Variants in SLC25A41 observed in about 807,000 individuals in gnomAD.
SLC25A41 encodes mitochondrial carrier protein SCaMC-3L.
SLC25A41 carries 35 observed loss-of-function variants against 34.7 expected under a neutral mutation model. The observed-to-expected ratio is 1.01, with a 90% CI of 0.77 to 1.34. The LOEUF is 1.34. Ranked by LOEUF, SLC25A41 falls within the 40% of genes most tolerant of loss-of-function variation. The pLI, the probability that SLC25A41 is intolerant of heterozygous loss-of-function variation, is 0.00. For missense variants in SLC25A41, 492 were observed against 489.8 expected, an observed-to-expected ratio of 1.00 and a Z score of -0.04; for synonymous variants, 190 against 209.9, an observed-to-expected ratio of 0.91 and a Z score of 0.82.
chr19:6,433,348 C>G, intron 1 of SLC25A41, 139 bp downstream of exon 1: 1 of 841,018 alleles, frequency 1.2e-6, no homozygotes, highest in Middle Eastern at 3.5e-4. Flanking sequence ...TCGCGCCCTG[C>G]CTCCCTGCCC....
chr19:6,429,098 CAT>C (rs368707238), intron 4 of SLC25A41, among the ~76,000 whole-genome samples: 3,115 of 8,234 alleles, frequency 0.38, 686 homozygotes, highest in Middle Eastern at 0.8. Flanking sequence ...ATATATGTTA[CAT>C]ATATATATAA....
chr19:6,429,040 A>T (rs1177574409), intron 4 of SLC25A41, among the ~76,000 whole-genome samples: 17 of 24,534 alleles, frequency 6.9e-4, no homozygotes, highest in African/African-American at 3.4e-3. Context: ...TATATATATA[A>T]TATATATATT....
At chr19:6,434,785 T>A (rs946953646), upstream of SLC25A41, among the ~76,000 whole-genome samples, 3 of 152,104 alleles carry the variant, frequency 2.0e-5, no homozygotes, top group Non-Finnish European at 2.9e-5. Context: ...GGTGTGCCCC[T>A]GTAATCTCAG....
In SLC25A41 at chr19:6,427,140, G is replaced by T; in HGVS notation, c.903C>A (p.Tyr301Ter). The T allele has an allele frequency of 6.2e-7, 1 of 1,609,314 alleles. No homozygotes were observed. The highest frequency in any genetic ancestry group is 8.5e-7 in the Non-Finnish European group (1 of 1,178,380). ...TCCTGGTGCGCACCAGAGTCAGTGG[G>T]TAGCTGGCCATCTGGCCACAGGTCG... ...LSTTCGQMAS[Y>*]PLTLVRTRMQ... The change falls in exon 6 of 7, where the codon TAC becomes TAA. Residue 301 changes from tyrosine (Y) to a stop codon, truncating the protein, a stop_gained. Transcript: ENST00000321510. LOFTEE classifies it low-confidence loss of function (END_TRUNC). The surrounding 1 kb of genome is among the most constrained non-coding windows in gnomAD (Gnocchi z 4.9).
chr19:6,430,458 T>G, intron 2 of SLC25A41: 4 of 444,428 alleles, frequency 9.0e-6, no homozygotes, highest in East Asian at 5.1e-5. Flanking sequence ...TTTTGTTCCC[T>G]CCCTCCCTCC....
chr19:6,429,119 T>TTATATA lies in SLC25A41; in HGVS notation c.624+599_624+604dup, dbSNP rs1347653345. ...GTTACATATATATATAATATATATA[T>TTATATA]TATATATATGTTATATATATATATA... On this transcript the variant is annotated intron_variant, in intron 4 of 6. Transcript: ENST00000321510. Among the ~76,000 whole-genome samples, 2 of 55,032 alleles carry TTATATA rather than the reference T, an allele frequency of 3.6e-5. 1 individual carries two copies. The highest frequency in any genetic ancestry group is 5.8e-5 in the Non-Finnish European group (2 of 34,638). The allele number at this position is 55,032 out of a possible 152,430, so 36.1% of individuals were successfully genotyped here.
At chr19:6,429,039 A>AT (rs1427334348) in intron 4 of SLC25A41, among the ~76,000 whole-genome samples, 538 of 26,914 alleles carry the variant, frequency 0.02, 125 homozygotes, top group South Asian at 0.024. Flanking sequence ...ATATATATAT[A>AT]ATATATATAT....
chr19:6,426,416 T>G lies in SLC25A41; in HGVS notation c.1086A>C (p.Glu362Asp). 1 of 1,613,806 alleles carries G rather than the reference T, an allele frequency of 6.2e-7. No individual in the cohort carries two copies. The highest frequency in any genetic ancestry group is 8.5e-7 in the Non-Finnish European group (1 of 1,179,782). Reference protein sequence around the residue: ...PAGGISYVVYEAMKKTLGI With the variant: ...PAGGISYVVYDAMKKTLGI The stretch of plus-strand genomic sequence containing the variant: ...ATATGCCCAGGGTTTTCTTCATGGC[T>G]TCGTACACCACATAGCTGATGCCAC... The change falls in exon 7 of 7, where the codon GAA becomes GAC. Residue 362 changes from glutamate (E) to aspartate (D), a missense_variant. Physicochemically the swap from Glu to Asp is conservative, Grantham distance 45 (BLOSUM62 2). Coordinates refer to ENST00000321510, the MANE Select transcript of SLC25A41 (RefSeq NM_173637.4).
rs1172852676 is a variant in SLC25A41 at position 6,427,281 on chromosome 19, A to G, written c.793-31T>C. The G allele has an allele frequency of 6.2e-7, 1 of 1,609,588 alleles. No individual in the cohort carries two copies. Among genetic ancestry groups the G allele is most frequent in the Non-Finnish European group, 8.5e-7 (1 of 1,177,510 alleles). ...AGAGAAGGGGGCCAGGAGAAAGCTC[A>G]CTAGGAGCCTGGGCTCCGGCCAGCC... On this transcript the variant is annotated intron_variant, in intron 5 of 6. Coordinates refer to ENST00000321510, the MANE Select transcript of SLC25A41 (RefSeq NM_173637.4). This position sits in a 1 kb window ranked among gnomAD's most constrained non-coding sequence, Gnocchi z 4.9.
upstream of SLC25A41, chr19:6,433,843 G>T (rs180786215): frequency 7.4e-6 from 4 of 543,668 alleles, no homozygotes; most frequent in Admixed American, 1.4e-4. Flanking sequence ...GGTGTGGTGG[G>T]CAGCGTGATG....
chr19:6,433,805 A>T, upstream of SLC25A41: 1 of 922,874 alleles, frequency 1.1e-6, no homozygotes, highest in Non-Finnish European at 1.6e-6. Context: ...AGGAGGATGA[A>T]GTCACAAACG....
At position 6,433,656 on chromosome 19, in the gene SLC25A41, G is replaced by C. The variant is rs1477998215; in HGVS notation, c.38C>G (p.Ser13Cys). ...AQPGEPQNTC[S>C]RIQTLFRRVK... ...CCTCCTAAACAGTGTCTGGATCCTA[G>C]AGCAAGTGTTCTGAGGTTCCCCAGG... The change falls in exon 1 of 7, where the codon TCT (serine) becomes TGT (cysteine). Residue 13 changes from serine to cysteine, a missense_variant. Ser to Cys is a moderately radical substitution (Grantham distance 112). Transcript: ENST00000321510. The C allele has an allele frequency of 3.8e-6, 6 of 1,591,988 alleles. No individual in the cohort carries two copies. The African/African-American group carries it at 6.7e-5, about 18-fold the overall frequency.
chr19:6,435,523 C>T (rs112948425), upstream of SLC25A41, among the ~76,000 whole-genome samples: 2 of 152,088 alleles, frequency 1.3e-5, no homozygotes, highest in Non-Finnish European at 2.9e-5. Flanking sequence ...GAGTTTGAGA[C>T]CAGCCTGGCC....
rs996809625 is a variant in SLC25A41 at position 6,426,257 on chromosome 19, CCCCCAG to C, written c.*126_*131del. On this transcript the variant is annotated 3_prime_UTR_variant, in exon 7 of 7. Transcript: ENST00000321510. ...CTTCTGACCCAGAGCCCCACCCCCACCCCCAGCCTGCTTTTGCCACCAAAAACTGCC... is the reference window on the plus strand; with the variant it reads ...CTTCTGACCCAGAGCCCCACCCCCACCCTGCTTTTGCCACCAAAAACTGCC... 3.1e-6 allele frequency: 2 copies of C among 649,598 alleles called. No homozygotes were observed. The allele number at this position is 649,598 out of a possible 1,614,324, so 40.2% of individuals were successfully genotyped here.
chr19:6,430,238 C>T lies in SLC25A41; in HGVS notation c.364-77G>A. The T allele has an allele frequency of 2.0e-6, 3 of 1,466,978 alleles. No individual in the cohort carries two copies. The South Asian group carries it at 4.2e-5, about 21-fold the overall frequency. The allele number at this position is 1,466,978 out of a possible 1,614,324, so 90.9% of individuals were successfully genotyped here. ...CCCATCCCTGCCCCAAGCGCAGCCC[C>T]ACCGGGACCTCCCAAGCCACCCAAC... On this transcript the variant is annotated intron_variant, in intron 2 of 6. Coordinates refer to ENST00000321510, the MANE Select transcript of SLC25A41 (RefSeq NM_173637.4).
At position 6,433,643 on chromosome 19, in the gene SLC25A41, T is replaced by C. The variant is rs761894067; in HGVS notation, c.51A>G (p.Thr17=). 1.1e-5 allele frequency: 18 copies of C among 1,601,162 alleles called. No individual in the cohort carries two copies. The Admixed American group carries it at 2.9e-4, about 25-fold the overall frequency. Residue 17 remains threonine, a synonymous_variant, in exon 1 of 7, where the codon ACA becomes ACG. Transcript: ENST00000321510. ...EPQNTCSRIQ[T]LFRRVKTLLI... is the part of the protein sequence containing the mutation. ...GTAAGGTCTTGACCCTCCTAAACAG[T>C]GTCTGGATCCTAGAGCAAGTGTTCT...
In SLC25A41 at chr19:6,427,309, G is replaced by A; in HGVS notation, c.792+25C>T. The A allele has an allele frequency of 1.2e-6, 2 of 1,605,746 alleles. No homozygotes were observed. The highest frequency in any genetic ancestry group is 1.1e-5 in the South Asian group (1 of 90,626). On this transcript the variant is annotated intron_variant, in intron 5 of 6. Coordinates refer to ENST00000321510, the MANE Select transcript of SLC25A41 (RefSeq NM_173637.4). This position sits in a 1 kb window ranked among gnomAD's most constrained non-coding sequence, Gnocchi z 4.9. ...AGGAGCCTGGGCTCCGGCCAGCCCT[G>A]CCACCCCCTCTGCAGGACCCATACC...
chr19:6,428,810 C>A (rs1344617586), intron 4 of SLC25A41, among the ~76,000 whole-genome samples: 2 of 144,638 alleles, frequency 1.4e-5, no homozygotes, highest in Non-Finnish European at 3.0e-5. Context: ...ACCTTCTGGG[C>A]TCAAGTGCTC....
At chr19:6,429,374 A>AGG (rs2092270731) in intron 4 of SLC25A41, among the ~76,000 whole-genome samples, 4 of 232 alleles carry the variant, frequency 0.017, no homozygotes, top group Non-Finnish European at 0.018. Context: ...AGGAGGGAGA[A>AGG]AGGAAAGGAA....
Sources: allele counts gnomAD v4.1 joint callset (sites outside exome capture counted in the v4.1 genomes callset), GRCh38; gene constraint gnomAD v4.1.1; non-coding constraint Gnocchi (gnomAD v3.1); transcripts MANE v1.5; gene names NCBI Gene and HGNC (gene_info 2026-07-23, HGNC 2026-07-21).